The following CTNNA1 variants were observed in gnomAD, a reference collection of about 807,000 sequenced individuals.
The protein encoded by CTNNA1 is catenin alpha-1.
Under a neutral mutation model 98.4 loss-of-function variants are expected in CTNNA1, and 37 were observed. The observed-to-expected ratio is 0.38, with a 90% CI of 0.29 to 0.49. The LOEUF (loss-of-function observed/expected upper bound fraction) is 0.49, where lower values mean the gene tolerates loss of function less well. CTNNA1 is among the 20% of genes least tolerant of loss of function. The pLI is 0.95. For synonymous variants in CTNNA1, 404 were observed against 413.2 expected (o/e 0.98, Z 0.27); for missense variants, 761 against 1,147.2 (o/e 0.66, Z 4.86).
chr5:138,807,613 TTG>T lies in CTNNA1; in HGVS notation c.302-2421_302-2420del, dbSNP rs143315423. On this transcript the variant is annotated intron_variant, in intron 3 of 17. Coordinates refer to ENST00000302763, the MANE Select transcript of CTNNA1 (RefSeq NM_001903.5). ...GAAGGCAGGGATGTTATGTTCAGCTTTGTGTTTTGGAAGTGGATTTGTTTGTT... is the reference window on the plus strand; with the variant it reads ...GAAGGCAGGGATGTTATGTTCAGCTTTGTTTTGGAAGTGGATTTGTTTGTT... Among the ~76,000 whole-genome samples the T allele has an allele frequency of 5.0e-3, 764 of 152,170 alleles. 8 individuals carry two copies. Among genetic ancestry groups the T allele is most frequent in the East Asian group, 0.043 (221 of 5,170 alleles).
At chr5:138,813,618 T>A (rs1426019379) in intron 5 of CTNNA1, among the ~76,000 whole-genome samples, 1 of 152,148 alleles carries the variant, frequency 6.6e-6, no homozygotes, top group Non-Finnish European at 1.5e-5. Context: ...TGGTTGTCAG[T>A]AAACACATAA....
At chr5:138,801,013 CATG>C (rs1323337332) in intron 3 of CTNNA1, among the ~76,000 whole-genome samples, 1 of 152,170 alleles carries the variant, frequency 6.6e-6, no homozygotes, top group Non-Finnish European at 1.5e-5. Flanking sequence ...TTGTACTAAA[CATG>C]ATGAATGAGA....
rs1184741995 is a variant in CTNNA1 at position 138,783,162 on chromosome 5, A to G, written c.106-15A>G. ...TTAATTGACTCCAGTTTAATGTTAA[A>G]AATGAAACTTTTAGGTTACAACCCT... On this transcript the variant is annotated splice_polypyrimidine_tract_variant and intron_variant, in intron 2 of 17. Transcript: ENST00000302763. 1 of 1,560,354 alleles carries G rather than the reference A, an allele frequency of 6.4e-7. No individual in the cohort carries two copies. The highest frequency in any genetic ancestry group is 1.9e-5 in the Admixed American group (1 of 51,638).
At chr5:138,861,259 G>A (rs1238104175) in intron 7 of CTNNA1, among the ~76,000 whole-genome samples, 1 of 152,116 alleles carries the variant, frequency 6.6e-6, no homozygotes, top group African/African-American at 2.4e-5. Flanking sequence ...GACCTCAGGT[G>A]ATTTGCCCAC....
In CTNNA1 at chr5:138,924,498, C is replaced by G. The variant is rs1401350825; in HGVS notation, c.1547-12C>G. ...GCCTCCTTCCTCATTCAACTTTTTG[C>G]TTGTTCTCCAGAGAATCACATTTTG... On this transcript the variant is annotated splice_polypyrimidine_tract_variant and intron_variant, in intron 11 of 17. Coordinates refer to ENST00000302763, the MANE Select transcript of CTNNA1 (RefSeq NM_001903.5). 2 of 1,613,558 alleles carry G rather than the reference C, an allele frequency of 1.2e-6. No individual in the cohort carries two copies. The highest frequency in any genetic ancestry group is 3.3e-5 in the Admixed American group (2 of 59,944).
At chr5:138,903,789 G>A (rs1018492426) in intron 9 of CTNNA1, among the ~76,000 whole-genome samples, 4 of 152,144 alleles carry the variant, frequency 2.6e-5, no homozygotes, top group African/African-American at 9.7e-5. Context: ...TTTTGATCAT[G>A]ATTGCCTTTG....
intron 9 of CTNNA1, among the ~76,000 whole-genome samples, chr5:138,894,579 G>C (rs1756324314): frequency 6.6e-6 from 1 of 151,878 alleles, no homozygotes; most frequent in African/African-American, 2.4e-5. Context: ...GGTCTACTTG[G>C]TTTCTGTGGC....
chr5:138,793,209 T>G (rs1336308479), intron 3 of CTNNA1, among the ~76,000 whole-genome samples: 1 of 152,252 alleles, frequency 6.6e-6, no homozygotes, highest in Non-Finnish European at 1.5e-5. Flanking sequence ...TGAAAAATCA[T>G]TAGCTGGTTG....
chr5:138,871,296 A>G (rs1750576777), intron 7 of CTNNA1: 1 of 152,224 alleles, frequency 6.6e-6, no homozygotes. Context: ...TGGCAGTTGT[A>G]AAAAATGCTC....
intron 7 of CTNNA1, among the ~76,000 whole-genome samples, chr5:138,848,950 C>T (rs896043849): frequency 6.6e-6 from 1 of 152,162 alleles, no homozygotes; most frequent in Non-Finnish European, 1.5e-5. Context: ...TCTCGAACTC[C>T]TGACCTCATG....
intron 7 of CTNNA1, among the ~76,000 whole-genome samples, chr5:138,884,771 C>G (rs1561649551): frequency 6.6e-6 from 1 of 152,132 alleles, no homozygotes; most frequent in African/African-American, 2.4e-5. Context: ...TTCAAGTTTA[C>G]TTTGGAATGC....
chr5:138,796,563 G>A (rs1433475076), intron 3 of CTNNA1, among the ~76,000 whole-genome samples: 3 of 148,746 alleles, frequency 2.0e-5, no homozygotes, highest in African/African-American at 5.0e-5. Context: ...AAAAAAAGTA[G>A]TAGGTATCTG....
chr5:138,907,656 A>G (rs1205340775), intron 10 of CTNNA1, among the ~76,000 whole-genome samples: 1 of 152,192 alleles, frequency 6.6e-6, no homozygotes, highest in East Asian at 1.9e-4. Context: ...TTAGGTAACT[A>G]GGGTAGTTAG....
intron 7 of CTNNA1, among the ~76,000 whole-genome samples, chr5:138,866,704 C>T (rs1027427078): frequency 3.3e-5 from 5 of 152,144 alleles, no homozygotes; most frequent in African/African-American, 9.7e-5. Flanking sequence ...CTTGATTGTA[C>T]TTGACTTTGG....
intron 1 of CTNNA1, among the ~76,000 whole-genome samples, chr5:138,771,982 A>G (rs1753604961): frequency 6.6e-6 from 1 of 152,230 alleles, no homozygotes; most frequent in African/African-American, 2.4e-5. Context: ...CTGCCACAAT[A>G]TAATAATGAA....
At chr5:138,847,516 G>C (rs565116692) in intron 7 of CTNNA1, among the ~76,000 whole-genome samples, 1 of 152,160 alleles carries the variant, frequency 6.6e-6, no homozygotes, top group Non-Finnish European at 1.5e-5. Context: ...AATGTCCCCT[G>C]TCCACTTTTT....
intron 5 of CTNNA1, among the ~76,000 whole-genome samples, chr5:138,815,179 A>G (rs78233499): frequency 0.012 from 1,774 of 152,150 alleles, 29 homozygotes; most frequent in African/African-American, 0.041. Context: ...TGGATCTGTG[A>G]AGAGTTCCTT....
chr5:138,819,796 C>CT (rs1759832824), intron 5 of CTNNA1, among the ~76,000 whole-genome samples: 2 of 134,900 alleles, frequency 1.5e-5, no homozygotes, highest in Admixed American at 9.1e-5. Flanking sequence ...AATCTCGTGT[C>CT]TAATTGTAGT....
At chr5:138,794,012 ATT>A (rs10717660) in intron 3 of CTNNA1, among the ~76,000 whole-genome samples, 1,542 of 112,236 alleles carry the variant, frequency 0.014, 19 homozygotes, top group East Asian at 0.063. Flanking sequence ...TCCTGGGTTG[ATT>A]TTTTTTTTTT....
Sources: gnomAD v4.1 joint callset for allele counts (sites outside exome capture counted in the v4.1 genomes callset) on GRCh38, gnomAD v4.1.1 for gene constraint, MANE v1.5 for transcripts, NCBI Gene and HGNC (gene_info 2026-07-23, HGNC 2026-07-21) for gene names.